The following FSTL4 variants were observed in gnomAD, a reference collection of about 807,000 sequenced individuals.
FSTL4 encodes the protein follistatin-related protein 4.
A neutral mutation model predicts 78.2 loss-of-function variants in FSTL4; 28 were observed. The ratio of observed to expected loss-of-function variants is 0.36; its 90% CI spans 0.27 to 0.49. The LOEUF is 0.49. Ranked by LOEUF, FSTL4 falls within the 20% of genes least tolerant of loss-of-function variation. The pLI, the probability that FSTL4 is intolerant of heterozygous loss-of-function variation, is 0.98. For missense variants in FSTL4, 922 were observed against 1,084.9 expected (o/e 0.85, Z 2.11); for synonymous variants, 422 against 440.5 (o/e 0.96, Z 0.53).
chr5:133,548,559 T>C (rs182985782), intron 3 of FSTL4, among the ~76,000 whole-genome samples: 23 of 152,280 alleles, frequency 1.5e-4, no homozygotes, highest in East Asian at 5.8e-4. Context: ...TGGTAACCTG[T>C]AATCATGAGA....
chr5:133,402,791 C>A (rs1458155723), intron 3 of FSTL4, among the ~76,000 whole-genome samples: 1 of 152,182 alleles, frequency 6.6e-6, no homozygotes, highest in East Asian at 1.9e-4. Context: ...GGTCAAATAT[C>A]TCTGAGCAGT....
rs991962110 is a variant in FSTL4, at chr5:133,240,569, G to A, written c.895-7032C>T. 3.3e-5 allele frequency among the ~76,000 whole-genome samples: 5 copies of A among 152,150 alleles called. No homozygotes were observed. The East Asian group carries it at 7.7e-4, about 23-fold the overall frequency. ...AGAGCACCTGGTTCTTCCAAGGCTCGGGGCATGTGTGGTCCCTGGCTGACT... is the reference window on the plus strand; with the variant it reads ...AGAGCACCTGGTTCTTCCAAGGCTCAGGGCATGTGTGGTCCCTGGCTGACT... On this transcript the variant is annotated intron_variant, in intron 7 of 15. Coordinates refer to ENST00000265342, the MANE Select transcript of FSTL4 (RefSeq NM_015082.2).
At chr5:133,666,959 GATGATCCCCAA>G in the FSTL4 span, among the ~76,000 whole-genome samples, 1 of 152,184 alleles carries the variant, frequency 6.6e-6, no homozygotes, top group Non-Finnish European at 1.5e-5. Flanking sequence ...TCAAAATGAT[GATGATCCCCAA>G]ATTTCTATTT....
At chr5:133,679,888 CCAACCAGGT>C in the FSTL4 span, among the ~76,000 whole-genome samples, 4 of 152,250 alleles carry the variant, frequency 2.6e-5, no homozygotes, top group East Asian at 7.7e-4. Flanking sequence ...CCCTTTCCCT[CCAACCAGGT>C]AGCTTCCTGT....
intron 6 of FSTL4, among the ~76,000 whole-genome samples, chr5:133,254,128 C>T (rs1010897984): frequency 6.6e-6 from 1 of 152,212 alleles, no homozygotes; most frequent in African/African-American, 2.4e-5. Context: ...AAATGCTCAA[C>T]TATTAATAGC....
intron 3 of FSTL4, among the ~76,000 whole-genome samples, chr5:133,526,361 G>A (rs989492907): frequency 2.0e-5 from 3 of 152,138 alleles, no homozygotes; most frequent in African/African-American, 7.2e-5. Context: ...GAACTGAGAA[G>A]TCTTTGCAGA....
chr5:133,459,100 G>A (rs2112836260), intron 3 of FSTL4, among the ~76,000 whole-genome samples: 1 of 152,284 alleles, frequency 6.6e-6, no homozygotes, highest in Non-Finnish European at 1.5e-5. Flanking sequence ...CATGTGTGGG[G>A]CTGAAGGCTC....
rs1750329666 is a variant in FSTL4, at chr5:133,201,846, G to A, written c.1826+87C>T. The A allele has an allele frequency of 5.6e-6, 4 of 716,418 alleles. No individual in the cohort carries two copies. In the Admixed American group the frequency reaches 6.9e-5, roughly 12 times the overall value. 44.4% of individuals were successfully genotyped at this position (716,418 alleles called of 1,614,324 possible). On this transcript the variant is annotated intron_variant, in intron 15 of 15. Transcript: ENST00000265342. ...ATGGGAGTGGAGGAGACAGAGAAAT[G>A]AGCAGGTCCCATGCTGGGCAATGCT...
At chr5:133,291,639 G>C (rs1053770870) in intron 6 of FSTL4, among the ~76,000 whole-genome samples, 3 of 152,190 alleles carry the variant, frequency 2.0e-5, no homozygotes, top group African/African-American at 7.2e-5. Flanking sequence ...GTCTCAAGGA[G>C]GGAGAGGTCC....
At chr5:133,721,144 G>T in the FSTL4 span, among the ~76,000 whole-genome samples, 10 of 152,126 alleles carry the variant, frequency 6.6e-5, no homozygotes, top group Admixed American at 5.9e-4. Context: ...TGAAACAATT[G>T]CTCAAATACC....
intron 8 of FSTL4, among the ~76,000 whole-genome samples, 187 bp downstream of exon 8, chr5:133,233,229 CA>C (rs1751547581): frequency 6.6e-6 from 1 of 152,202 alleles, no homozygotes; most frequent in African/African-American, 2.4e-5. Flanking sequence ...TGGGTGGAGC[CA>C]AATATGAAAA....
intron 3 of FSTL4, among the ~76,000 whole-genome samples, chr5:133,469,606 A>G (rs1462149422): frequency 6.6e-6 from 1 of 152,220 alleles, no homozygotes; most frequent in Non-Finnish European, 1.5e-5. Flanking sequence ...AAACATTTTA[A>G]AAACAAAAGG....
the FSTL4 span, among the ~76,000 whole-genome samples, chr5:133,644,181 G>A: frequency 6.6e-6 from 1 of 152,184 alleles, no homozygotes; most frequent in East Asian, 1.9e-4. Flanking sequence ...TGCGTAATCT[G>A]TGCTTTCAGC....
the FSTL4 span, among the ~76,000 whole-genome samples, chr5:133,829,609 G>A: frequency 6.6e-6 from 1 of 152,170 alleles, no homozygotes; most frequent in South Asian, 2.1e-4. Context: ...GTGTTGTCAG[G>A]GGGAGAGAAA....
At chr5:133,664,462 G>C in the FSTL4 span, among the ~76,000 whole-genome samples, 20,768 of 152,100 alleles carry the variant, frequency 0.14, 1,965 homozygotes, top group African/African-American at 0.26. Context: ...TCTTCCCCAA[G>C]GGAGGCTGGC....
At chr5:133,306,329 T>C (rs912282728) in intron 6 of FSTL4, among the ~76,000 whole-genome samples, 2 of 152,226 alleles carry the variant, frequency 1.3e-5, no homozygotes, top group Non-Finnish European at 2.9e-5. Context: ...TCTGCATACG[T>C]GGCTGCCGGA....
At position 133,395,156 on chromosome 5, in the gene FSTL4, C is replaced by G. The variant is rs559113392; in HGVS notation, c.409+5582G>C. 4.6e-5 allele frequency among the ~76,000 whole-genome samples: 7 copies of G among 152,270 alleles called. 1 individual carries two copies. Among genetic ancestry groups the G allele is most frequent in the African/African-American group, 1.7e-4 (7 of 41,564 alleles). ...ATAAAGGAATAAAAGCAGGCTGCCC[C>G]AGCCAGCAGTGGCAACCTGGGTCCC... On this transcript the variant is annotated intron_variant, in intron 4 of 15. Transcript: ENST00000265342.
the FSTL4 span, among the ~76,000 whole-genome samples, chr5:133,640,104 G>A: frequency 1.3e-5 from 2 of 152,288 alleles, no homozygotes; most frequent in Non-Finnish European, 2.9e-5. Flanking sequence ...CAGTGACAGG[G>A]TGTGCCTTGC....
the FSTL4 span, among the ~76,000 whole-genome samples, chr5:133,802,765 G>T: frequency 5.1e-4 from 77 of 152,292 alleles, no homozygotes; most frequent in African/African-American, 1.9e-3. Context: ...GGTCCTGTGG[G>T]ACTACCAGTC....
Sources: allele counts gnomAD v4.1 joint callset (sites outside exome capture counted in the v4.1 genomes callset), GRCh38; gene constraint gnomAD v4.1.1; transcripts MANE v1.5; gene names NCBI Gene and HGNC (gene_info 2026-07-23, HGNC 2026-07-21).